Variants in TTC28 observed in about 807,000 individuals in gnomAD.
TTC28 encodes the protein tetratricopeptide repeat domain 28.
In TTC28, 61 loss-of-function variants were observed where a neutral mutation model predicts 198.0. The ratio of observed to expected loss-of-function variants is 0.31; its 90% CI spans 0.25 to 0.38. The LOEUF is 0.38. Ranked by LOEUF, TTC28 falls within the 10% of genes least tolerant of loss-of-function variation. The pLI, the probability that TTC28 is intolerant of heterozygous loss-of-function variation, is 1.00. For synonymous variants in TTC28, 1,171 were observed against 1,297.8 expected, an observed-to-expected ratio of 0.90 and a Z score of 2.10; for missense variants, 2,678 against 3,164.0, an observed-to-expected ratio of 0.85 and a Z score of 3.69.
At chr22:28,391,537 G>C (rs577143702) in intron 2 of TTC28, among the ~76,000 whole-genome samples, 55 of 152,192 alleles carry the variant, frequency 3.6e-4, no homozygotes, top group African/African-American at 1.3e-3. Flanking sequence ...GGTTTTGCTC[G>C]TTTCTTTTTA....
intron 12 of TTC28, among the ~76,000 whole-genome samples, chr22:28,039,189 TA>T (rs1174921381): frequency 6.6e-6 from 1 of 152,186 alleles, no homozygotes; most frequent in East Asian, 1.9e-4. Context: ...CAAAGGATTA[TA>T]AAACATGCTG....
At chr22:28,352,223 T>C (rs2046007363) in intron 2 of TTC28, among the ~76,000 whole-genome samples, 1 of 151,972 alleles carries the variant, frequency 6.6e-6, no homozygotes, top group Non-Finnish European at 1.5e-5. Flanking sequence ...TGTTATTGAA[T>C]ACCAACTATG....
intron 2 of TTC28, among the ~76,000 whole-genome samples, chr22:28,585,875 T>C (rs2146073485): frequency 6.6e-6 from 1 of 151,904 alleles, no homozygotes; most frequent in South Asian, 2.1e-4. Flanking sequence ...ATACCTAATG[T>C]AGATGATGGA....
chr22:28,358,537 A>G (rs2046111899), intron 2 of TTC28, among the ~76,000 whole-genome samples: 1 of 152,222 alleles, frequency 6.6e-6, no homozygotes, highest in Non-Finnish European at 1.5e-5. Context: ...CTCTGCATAC[A>G]TAAAAGCAGT....
chr22:28,587,267 G>A (rs1211990113), intron 2 of TTC28, among the ~76,000 whole-genome samples: 2 of 152,202 alleles, frequency 1.3e-5, no homozygotes, highest in African/African-American at 4.8e-5. Flanking sequence ...GCTGAGGCAT[G>A]AGAATTGTTT....
At chr22:28,047,668 G>A (rs1939922255) in intron 12 of TTC28, among the ~76,000 whole-genome samples, 1 of 152,200 alleles carries the variant, frequency 6.6e-6, no homozygotes. Flanking sequence ...GGTGGCAGAG[G>A]AGGTGGGCCT....
At chr22:28,075,025 T>C (rs1941122756) in intron 12 of TTC28, among the ~76,000 whole-genome samples, 2 of 151,742 alleles carry the variant, frequency 1.3e-5, no homozygotes, top group South Asian at 4.2e-4. Context: ...GAGGCAGAGG[T>C]TTCAGTGAGC....
intron 2 of TTC28, 152 bp from the exon 3 acceptor site, chr22:28,306,795 T>C: frequency 1.3e-6 from 1 of 788,884 alleles, no homozygotes; most frequent in Non-Finnish European, 2.0e-6. Flanking sequence ...TGAACTAACT[T>C]CTAACATCAT....
intron 2 of TTC28, among the ~76,000 whole-genome samples, chr22:28,421,175 T>G (rs545652930): frequency 1.3e-5 from 2 of 152,306 alleles, no homozygotes; most frequent in South Asian, 4.1e-4. Flanking sequence ...TTTCCTTTTA[T>G]CATGGTTCAG....
chr22:28,648,345 A>G (rs1380576323), intron 1 of TTC28, among the ~76,000 whole-genome samples: 1 of 152,220 alleles, frequency 6.6e-6, no homozygotes, highest in South Asian at 2.1e-4. Flanking sequence ...AAAAAACAAT[A>G]GATGTTGACA....
intron 2 of TTC28, among the ~76,000 whole-genome samples, chr22:28,519,442 C>T (rs544915368): frequency 1.2e-4 from 19 of 152,216 alleles, no homozygotes; most frequent in African/African-American, 3.9e-4. Flanking sequence ...GCTGAAATGC[C>T]GAAACTCTCT....
intron 2 of TTC28, among the ~76,000 whole-genome samples, chr22:28,498,762 G>A (rs886401733): frequency 1.3e-5 from 2 of 152,176 alleles, no homozygotes; most frequent in African/African-American, 2.4e-5. Flanking sequence ...CATACATTTA[G>A]TAGGAGTTCA....
intron 1 of TTC28, among the ~76,000 whole-genome samples, chr22:28,659,639 G>C (rs2051711232): frequency 6.6e-6 from 1 of 152,062 alleles, no homozygotes; most frequent in Admixed American, 6.6e-5. Flanking sequence ...GCTCATGCCT[G>C]CAATCCCAAC....
intron 13 of TTC28, among the ~76,000 whole-genome samples, chr22:28,028,587 C>T (rs1938937231): frequency 6.6e-6 from 1 of 152,180 alleles, no homozygotes; most frequent in Admixed American, 6.5e-5. Context: ...TCTGCTTTGG[C>T]AGCTCTCTCC....
chr22:28,039,649 C>A (rs1359576872), intron 12 of TTC28, among the ~76,000 whole-genome samples: 1 of 151,906 alleles, frequency 6.6e-6, no homozygotes, highest in East Asian at 1.9e-4. Flanking sequence ...TGCACATGTA[C>A]CCTAAAACTT....
In TTC28 at chr22:28,389,686, A is replaced by G. The variant is rs1230317577; in HGVS notation, c.382-83043T>C. ...TTGTATTTCTGTGGTATCAGTGGTG[A>G]TATCCCCTTTATCATTTTTTATTGC... On this transcript the variant is annotated intron_variant, in intron 2 of 22. Transcript: ENST00000397906. Among the ~76,000 whole-genome samples, 7 of 150,244 alleles carry G rather than the reference A, an allele frequency of 4.7e-5. No individual in the cohort carries two copies. In the East Asian group the frequency reaches 1.4e-3, roughly 29 times the overall value.
At position 28,629,865 on chromosome 22, in the gene TTC28, G is replaced by C. The variant is rs917167194; in HGVS notation, c.103-35C>G. ...AAGAAACTTTATCAGAAAAAGTTCA[G>C]ATAATCCAGATGGGTTCCCCATCTG... is the stretch of plus-strand genomic sequence containing the variant. On this transcript the variant is annotated intron_variant, in intron 1 of 22. Coordinates refer to ENST00000397906, the MANE Select transcript of TTC28 (RefSeq NM_001145418.2). The C allele has an allele frequency of 1.6e-5, 25 of 1,516,936 alleles. 1 individual carries two copies. The South Asian group carries it at 1.7e-4, about 10-fold the overall frequency. The allele number at this position is 1,516,936 out of a possible 1,614,324, so 94.0% of individuals were successfully genotyped here.
chr22:28,113,361 C>T (rs1383467452), intron 6 of TTC28, among the ~76,000 whole-genome samples: 1 of 152,204 alleles, frequency 6.6e-6, no homozygotes, highest in African/African-American at 2.4e-5. Context: ...CTGCTCCATC[C>T]TACTCAAATC....
At chr22:28,462,956 C>T (rs993109875) in intron 2 of TTC28, among the ~76,000 whole-genome samples, 1 of 152,106 alleles carries the variant, frequency 6.6e-6, no homozygotes, top group African/African-American at 2.4e-5. Flanking sequence ...CTTGAGAGAA[C>T]TGGCAGAAAG....
Sources: gnomAD v4.1 joint callset for allele counts (sites outside exome capture counted in the v4.1 genomes callset) on GRCh38, gnomAD v4.1.1 for gene constraint, MANE v1.5 for transcripts, NCBI Gene and HGNC (gene_info 2026-07-23, HGNC 2026-07-21) for gene names.